The following ADCK1 variants were observed in gnomAD, a reference collection of about 807,000 sequenced individuals.
ADCK1 encodes aarF domain-containing protein kinase 1.
In ADCK1, 41 loss-of-function variants were observed where a neutral mutation model predicts 52.3. That is an observed-to-expected ratio of 0.78 (90% confidence interval 0.61 to 1.02). ADCK1 has a LOEUF of 1.02. Among genes scored for constraint, ADCK1 ranks in the 50% least tolerant of loss-of-function variants. The probability of loss-of-function intolerance (pLI) is 0.00; values close to 1 mark genes in which losing one functional copy is unlikely to be tolerated. For synonymous variants in ADCK1, 250 were observed against 274.6 expected (o/e 0.91, Z 0.89); for missense variants, 658 against 679.5 (o/e 0.97, Z 0.35).
In ADCK1 at chr14:77,839,557, C is replaced by T. The variant is rs577396359; in HGVS notation, c.219+17039C>T. On this transcript the variant is annotated intron_variant, in intron 3 of 10. Coordinates refer to ENST00000238561, the MANE Select transcript of ADCK1 (RefSeq NM_020421.4). ...CCTCCCCGTGCCTGTGTCAAGGCCACCTGCAGGGTGGAGAGCAGTGCACAA... is the reference window on the plus strand; with the variant it reads ...CCTCCCCGTGCCTGTGTCAAGGCCATCTGCAGGGTGGAGAGCAGTGCACAA... 2.0e-5 allele frequency among the ~76,000 whole-genome samples: 3 copies of T among 152,206 alleles called. No homozygotes were observed. The South Asian group carries it at 6.2e-4, about 32-fold the overall frequency.
At chr14:77,806,730 T>C (rs1200515969) in intron 1 of ADCK1, among the ~76,000 whole-genome samples, 1 of 152,196 alleles carries the variant, frequency 6.6e-6, no homozygotes, top group Non-Finnish European at 1.5e-5. Context: ...GCCACTCTTT[T>C]TTTAGACAGA....
intron 3 of ADCK1, among the ~76,000 whole-genome samples, chr14:77,833,483 G>A (rs1397571575): frequency 6.6e-6 from 1 of 152,156 alleles, no homozygotes; most frequent in Non-Finnish European, 1.5e-5. Context: ...AGGAGCATGA[G>A]CTGCATTTAA....
chr14:77,898,104 A>T (rs560149027), intron 5 of ADCK1, among the ~76,000 whole-genome samples: 9 of 152,292 alleles, frequency 5.9e-5, no homozygotes, highest in Admixed American at 2.6e-4. Flanking sequence ...CAAAAAAATT[A>T]AAAAAATTAG....
At chr14:77,843,981 A>G (rs1051688540) in intron 3 of ADCK1, among the ~76,000 whole-genome samples, 2 of 152,220 alleles carry the variant, frequency 1.3e-5, no homozygotes, top group Admixed American at 1.3e-4. Context: ...ATTTCATAGA[A>G]ATCTGCTCTA....
intron 3 of ADCK1, among the ~76,000 whole-genome samples, chr14:77,825,640 GTT>G (rs11311915): frequency 1.6e-3 from 214 of 137,378 alleles, no homozygotes; most frequent in African/African-American, 5.1e-3. Context: ...GAAATGTTAG[GTT>G]TTTTTTTTTT....
chr14:77,831,006 C>A (rs2081836738), intron 3 of ADCK1, among the ~76,000 whole-genome samples: 1 of 152,152 alleles, frequency 6.6e-6, no homozygotes, highest in African/African-American at 2.4e-5. Context: ...GATCAAAATT[C>A]ATCAGCTTCA....
chr14:77,892,880 A>T (rs61990743), intron 5 of ADCK1, among the ~76,000 whole-genome samples: 13,514 of 152,126 alleles, frequency 0.089, 668 homozygotes, highest in African/African-American at 0.1. Context: ...AATAGCATGT[A>T]CTACCCTAGA....
rs556393950 is a variant in ADCK1 at position 77,921,500 on chromosome 14, C to G, written c.859-2957C>G. 5.3e-5 allele frequency among the ~76,000 whole-genome samples: 8 copies of G among 152,162 alleles called. No homozygotes were observed. The South Asian group carries it at 1.5e-3, about 28-fold the overall frequency. On this transcript the variant is annotated intron_variant, in intron 7 of 10. Transcript: ENST00000238561. ...GCAGGTGGGGTTAGTCCCACGTAGC[C>G]GCTAAGGGAACTTGGACCCAGACTG... is the stretch of plus-strand genomic sequence containing the variant.
chr14:77,910,237 T>G (rs1350933476), intron 7 of ADCK1, among the ~76,000 whole-genome samples: 1 of 151,988 alleles, frequency 6.6e-6, no homozygotes, highest in Non-Finnish European at 1.5e-5. Flanking sequence ...TCTGGAAGAG[T>G]TCTGCTGCTT....
intron 3 of ADCK1, among the ~76,000 whole-genome samples, chr14:77,830,308 C>T (rs2081817605): frequency 6.6e-6 from 1 of 151,158 alleles, no homozygotes; most frequent in East Asian, 2.0e-4. Flanking sequence ...CATGCGCCAC[C>T]ACACCCAAGT....
At chr14:77,925,710 G>C in intron 8 of ADCK1, 54 bp from the exon 9 acceptor site, 1 of 1,578,188 alleles carries the variant, frequency 6.3e-7, no homozygotes, top group South Asian at 1.1e-5. Context: ...CAGGGACTTG[G>C]GCCTTTGGTG....
intron 9 of ADCK1, among the ~76,000 whole-genome samples, chr14:77,930,703 G>A (rs2084309110): frequency 6.6e-6 from 1 of 152,164 alleles, no homozygotes; most frequent in Non-Finnish European, 1.5e-5. Context: ...GGGTTGTTGT[G>A]AGGATTAAAT....
At chr14:77,833,807 G>T (rs1399645083) in intron 3 of ADCK1, among the ~76,000 whole-genome samples, 5 of 152,148 alleles carry the variant, frequency 3.3e-5, no homozygotes, top group Non-Finnish European at 7.3e-5. Context: ...CTTCTCTGTA[G>T]GTCCTAGGCA....
At chr14:77,890,503 C>T (rs938994872) in intron 5 of ADCK1, among the ~76,000 whole-genome samples, 3 of 152,146 alleles carry the variant, frequency 2.0e-5, no homozygotes, top group African/African-American at 7.2e-5. Context: ...CACAAAGGCC[C>T]CCTTAGTTAA....
chr14:77,824,192 C>T lies in ADCK1; in HGVS notation c.219+1674C>T, dbSNP rs187604144. 1.1e-3 allele frequency among the ~76,000 whole-genome samples: 172 copies of T among 152,304 alleles called. 1 individual carries two copies. The highest frequency in any genetic ancestry group is 2.1e-3 in the Non-Finnish European group (145 of 68,038). ...GGAAAACAGGTGTGAGCCACCATGC[C>T]TGGCTTCATTCACTTAATTTTTTTC... is the stretch of plus-strand genomic sequence containing the variant. On this transcript the variant is annotated intron_variant, in intron 3 of 10. Coordinates refer to ENST00000238561, the MANE Select transcript of ADCK1 (RefSeq NM_020421.4).
chr14:77,900,448 A>G (rs1246352965), intron 6 of ADCK1: 1 of 337,034 alleles, frequency 3.0e-6, no homozygotes, highest in South Asian at 2.3e-5. Context: ...GTAGCTGGGC[A>G]TGGTGGTGCA....
chr14:77,827,834 C>CTT (rs33940923), intron 3 of ADCK1: 27,587 of 385,624 alleles, frequency 0.072, 485 homozygotes, highest in Middle Eastern at 0.089. Context: ...TTTTAAAAGG[C>CTT]TTTTTTTTTT....
chr14:77,907,685 C>A, intron 6 of ADCK1, 118 bp from the exon 7 acceptor site: 1 of 711,750 alleles, frequency 1.4e-6, no homozygotes, highest in Non-Finnish European at 2.3e-6. Flanking sequence ...CCTCCTGGGC[C>A]TCTTCTCCCT....
Position 77,924,442 on chromosome 14 carries a change from C to T in ADCK1, c.859-15C>T, listed in dbSNP as rs1166705849. 1.2e-6 allele frequency: 2 copies of T among 1,613,334 alleles called. No homozygotes were observed. Among genetic ancestry groups the T allele is most frequent in the Non-Finnish European group, 1.7e-6 (2 of 1,179,732 alleles). On this transcript the variant is annotated splice_polypyrimidine_tract_variant and intron_variant, in intron 7 of 10. Coordinates refer to ENST00000238561, the MANE Select transcript of ADCK1 (RefSeq NM_020421.4). ...GAGTGGAGAGGAGCTCCCACCTGCC[C>T]CTCTTCTCTTTCAGATCTCACGCCA... is the stretch of plus-strand genomic sequence containing the variant.
Sources: allele counts gnomAD v4.1 joint callset (sites outside exome capture counted in the v4.1 genomes callset), GRCh38; gene constraint gnomAD v4.1.1; transcripts MANE v1.5; gene names NCBI Gene and HGNC (gene_info 2026-07-23, HGNC 2026-07-21).